Variants in ZMYM2 observed in about 807,000 individuals in gnomAD.
ZMYM2 encodes the protein zinc finger MYM-type protein 2.
In ZMYM2, 56 loss-of-function variants were observed where a neutral mutation model predicts 162.8. That is an observed-to-expected ratio of 0.34 (90% CI 0.28 to 0.43). The LOEUF is 0.43. Among genes scored for constraint, ZMYM2 ranks in the 20% least tolerant of loss-of-function variants. ZMYM2 has a pLI of 1.00. For synonymous variants in ZMYM2, 510 were observed against 541.6 expected (o/e 0.94, Z 0.81); for missense variants, 1,275 against 1,621.8 (o/e 0.79, Z 3.67).
At chr13:19,883,187 C>G in the ZMYM2 span, among the ~76,000 whole-genome samples, 1 of 152,106 alleles carries the variant, frequency 6.6e-6, no homozygotes, top group Non-Finnish European at 1.5e-5. Flanking sequence ...GAAAGTATCT[C>G]AAATAAGTAA....
At chr13:19,882,148 C>G in the ZMYM2 span, among the ~76,000 whole-genome samples, 1 of 152,044 alleles carries the variant, frequency 6.6e-6, no homozygotes, top group Non-Finnish European at 1.5e-5. Flanking sequence ...TTCTTAGATA[C>G]AAAAGCCGAG....
At chr13:20,073,256 G>A (rs1957226898) in intron 21 of ZMYM2, among the ~76,000 whole-genome samples, 1 of 152,056 alleles carries the variant, frequency 6.6e-6, no homozygotes, top group African/African-American at 2.4e-5. Flanking sequence ...CAACTTTTTC[G>A]TAAAGGGCAA....
At chr13:20,037,717 T>A (rs1173372538) in intron 12 of ZMYM2, among the ~76,000 whole-genome samples, 4 of 152,210 alleles carry the variant, frequency 2.6e-5, no homozygotes, top group African/African-American at 9.6e-5. Context: ...TGTGTGTATG[T>A]GTATGTGTCA....
At chr13:19,942,553 AAAG>A in the ZMYM2 span, among the ~76,000 whole-genome samples, 3 of 151,566 alleles carry the variant, frequency 2.0e-5, no homozygotes, top group African/African-American at 7.3e-5. Flanking sequence ...AAAAAAAAAA[AAAG>A]AAAATTAGCC....
At chr13:19,968,496 A>G (rs1018776798) in intron 2 of ZMYM2, among the ~76,000 whole-genome samples, 1 of 152,182 alleles carries the variant, frequency 6.6e-6, no homozygotes, top group Non-Finnish European at 1.5e-5. Flanking sequence ...TCCTGACCTC[A>G]GGTGATCTGC....
chr13:20,022,209 C>T (rs1174553893), intron 7 of ZMYM2, among the ~76,000 whole-genome samples: 1 of 152,092 alleles, frequency 6.6e-6, no homozygotes, highest in Non-Finnish European at 1.5e-5. Flanking sequence ...GTGGAAGTTA[C>T]CTCTGCTTTA....
chr13:19,980,850 A>G (rs903327414), intron 2 of ZMYM2, among the ~76,000 whole-genome samples: 4 of 150,108 alleles, frequency 2.7e-5, no homozygotes, highest in East Asian at 3.9e-4. Context: ...TTCTGTTAGT[A>G]TTTTTATTGA....
intron 21 of ZMYM2, among the ~76,000 whole-genome samples, chr13:20,074,705 ATTT>A (rs1957362078): frequency 6.6e-6 from 1 of 151,730 alleles, no homozygotes; most frequent in South Asian, 2.1e-4. Flanking sequence ...CGCCCGGCTA[ATTT>A]TTTGTATTTT....
At chr13:20,042,783 G>T (rs551483461) in intron 12 of ZMYM2, among the ~76,000 whole-genome samples, 1 of 152,050 alleles carries the variant, frequency 6.6e-6, no homozygotes, top group South Asian at 2.1e-4. Context: ...GAGTGCCGTG[G>T]CATGATCTTG....
chr13:20,069,254 T>C (rs1956903318), intron 21 of ZMYM2, among the ~76,000 whole-genome samples: 1 of 152,194 alleles, frequency 6.6e-6, no homozygotes, highest in African/African-American at 2.4e-5. Flanking sequence ...TGCTTTGCTT[T>C]ACTACATTGC....
upstream of ZMYM2, among the ~76,000 whole-genome samples, chr13:19,954,916 C>T (rs6490496): frequency 0.98 from 149,610 of 152,068 alleles, 73,645 homozygotes; most frequent in Middle Eastern, 1. Flanking sequence ...GTTCAAGCAA[C>T]TCTCCCACCT....
chr13:19,993,714 T>A lies in ZMYM2; in HGVS notation c.642T>A (p.Ile214=). The stretch of plus-strand genomic sequence containing the variant: ...ACGGGCGAGATATGAACTTAATGAT[T>A]ACACATGTAACATCACTGCAGAATA... ...NTDGRDMNLM[I]THVTSLQNTN... The change falls in exon 3 of 25, where the codon ATT becomes ATA. Residue 214 remains isoleucine, a synonymous_variant. Coordinates refer to ENST00000610343, the MANE Select transcript of ZMYM2 (RefSeq NM_197968.4). 6.2e-7 allele frequency: 1 copy of A among 1,614,000 alleles called. No individual in the cohort carries two copies. The highest frequency in any genetic ancestry group is 8.5e-7 in the Non-Finnish European group (1 of 1,179,872).
At chr13:19,893,500 G>T in the ZMYM2 span, among the ~76,000 whole-genome samples, 1 of 151,960 alleles carries the variant, frequency 6.6e-6, no homozygotes, top group East Asian at 1.9e-4. Flanking sequence ...CACTTTGGGA[G>T]GCCAAGGCGG....
chr13:20,012,174 C>T (rs575668853), intron 6 of ZMYM2, among the ~76,000 whole-genome samples: 11 of 151,800 alleles, frequency 7.2e-5, no homozygotes, highest in East Asian at 3.9e-4. Context: ...CGTGAGCCTC[C>T]GCCCCTGGTC....
At chr13:19,965,771 C>CTTTTTTTTTTTTTTTTTTTTTT (rs35914050) in intron 2 of ZMYM2, among the ~76,000 whole-genome samples, 1 of 104,888 alleles carries the variant, frequency 9.5e-6, no homozygotes. Context: ...TATCTGAATT[C>CTTTTTTTTTTTTTTTTTTTTTT]TTTTTTTTTT....
At chr13:20,028,703 T>A (rs1302971553) in intron 9 of ZMYM2, among the ~76,000 whole-genome samples, 3 of 152,184 alleles carry the variant, frequency 2.0e-5, no homozygotes, top group African/African-American at 7.2e-5. Flanking sequence ...TTACCCTTAA[T>A]ATCTAATGCC....
At chr13:19,873,330 A>T in the ZMYM2 span, among the ~76,000 whole-genome samples, 5 of 151,986 alleles carry the variant, frequency 3.3e-5, no homozygotes, top group Admixed American at 6.6e-5. Context: ...CTCTCTCATG[A>T]CACTGACAGT....
At chr13:20,061,904 A>T (rs1298134447) in intron 17 of ZMYM2, among the ~76,000 whole-genome samples, 1 of 152,100 alleles carries the variant, frequency 6.6e-6, no homozygotes, top group African/African-American at 2.4e-5. Context: ...TTTATTGCTT[A>T]TACTAATAAA....
intron 21 of ZMYM2, among the ~76,000 whole-genome samples, chr13:20,074,445 A>G (rs893238265): frequency 6.6e-6 from 1 of 151,878 alleles, no homozygotes; most frequent in African/African-American, 2.4e-5. Context: ...CATGTTGACC[A>G]GTCTGGTCTC....
Sources: gnomAD v4.1 joint callset for allele counts (sites outside exome capture counted in the v4.1 genomes callset) on GRCh38, gnomAD v4.1.1 for gene constraint, MANE v1.5 for transcripts, NCBI Gene and HGNC (gene_info 2026-07-23, HGNC 2026-07-21) for gene names.